Variants in OLFM4 observed in about 807,000 individuals in gnomAD.
The protein encoded by OLFM4 is olfactomedin-4.
A neutral mutation model predicts 25.5 loss-of-function variants in OLFM4; 22 were observed. The observed-to-expected ratio is 0.86, with a 90% CI of 0.62 to 1.23. The LOEUF (loss-of-function observed/expected upper bound fraction) is 1.23, where lower values mean the gene tolerates loss of function less well. Among genes scored for constraint, OLFM4 ranks in the 50% most tolerant of loss-of-function variants. The pLI is 0.00. For missense variants in OLFM4, 594 were observed against 619.4 expected (o/e 0.96, Z 0.44); for synonymous variants, 255 against 237.7 (o/e 1.07, Z -0.67).
intron 4 of OLFM4, 89 bp downstream of exon 4, chr13:53,043,353 G>A: frequency 2.5e-6 from 2 of 798,006 alleles, no homozygotes; most frequent in Non-Finnish European, 3.5e-6. Context: ...TTGCAATGGT[G>A]AAAGAAGAAG....
intron 2 of OLFM4, among the ~76,000 whole-genome samples, chr13:53,036,354 G>C (rs1351399523): frequency 6.6e-6 from 1 of 152,158 alleles, no homozygotes; most frequent in Admixed American, 6.5e-5. Flanking sequence ...CCTAGGTAAA[G>C]ATCTTTTCAG....
At chr13:53,038,396 C>G (rs1456711906) in intron 2 of OLFM4, among the ~76,000 whole-genome samples, 1 of 152,170 alleles carries the variant, frequency 6.6e-6, no homozygotes, top group Non-Finnish European at 1.5e-5. Context: ...TATACTTACA[C>G]AAACCTAGAG....
At chr13:53,049,866 G>A in intron 4 of OLFM4, 103 bp from the exon 5 acceptor site, 1 of 1,275,432 alleles carries the variant, frequency 7.8e-7, no homozygotes, top group Non-Finnish European at 1.1e-6. Flanking sequence ...AACCTTGACA[G>A]GAAAAATATT....
At chr13:53,045,466 T>C (rs1341592526) in intron 4 of OLFM4, among the ~76,000 whole-genome samples, 1 of 152,210 alleles carries the variant, frequency 6.6e-6, no homozygotes, top group Non-Finnish European at 1.5e-5. Context: ...TTTCTTTCAC[T>C]TGCTCTCTTT....
At position 53,028,921 on chromosome 13, in the gene OLFM4, A is replaced by C; in HGVS notation, c.85A>C (p.Ile29Leu). The C allele has an allele frequency of 6.2e-7, 1 of 1,614,154 alleles. No individual in the cohort carries two copies. Residue 29 changes from isoleucine to leucine, a missense_variant, in exon 1 of 5, where the codon ATT (isoleucine) becomes CTT (leucine). Transcript: ENST00000219022. ...AGDLGDVGPPIPSPGFSSFPG... is the reference protein window; with the variant it reads ...AGDLGDVGPPLPSPGFSSFPG... ...GGATTTGGGGGATGTGGGACCTCCA[A>C]TTCCCAGCCCCGGCTTCAGCTCTTT...
intron 4 of OLFM4, among the ~76,000 whole-genome samples, chr13:53,046,919 G>C (rs1485770798): frequency 1.3e-5 from 2 of 152,168 alleles, no homozygotes; most frequent in Non-Finnish European, 2.9e-5. Context: ...TTCCATACTA[G>C]GCTGCCTTCC....
chr13:53,046,698 T>C (rs1170191163), intron 4 of OLFM4, among the ~76,000 whole-genome samples: 2 of 152,212 alleles, frequency 1.3e-5, no homozygotes, highest in Non-Finnish European at 2.9e-5. Flanking sequence ...AAACCTCCAG[T>C]TGTAACATGA....
At chr13:53,035,645 G>T (rs1239467877) in intron 2 of OLFM4, among the ~76,000 whole-genome samples, 1 of 151,966 alleles carries the variant, frequency 6.6e-6, no homozygotes, top group African/African-American at 2.4e-5. Flanking sequence ...ATCTTCTATT[G>T]TCTCAGCAGG....
At chr13:53,042,973 A>G (rs1284530423) in intron 3 of OLFM4, 132 bp from the exon 4 acceptor site, 10 of 671,780 alleles carry the variant, frequency 1.5e-5, no homozygotes, top group Admixed American at 3.3e-5. Context: ...TATTCTTCCA[A>G]ATGAAACCAT....
intron 2 of OLFM4, among the ~76,000 whole-genome samples, chr13:53,037,559 C>A (rs957520165): frequency 2.6e-5 from 4 of 152,130 alleles, no homozygotes; most frequent in African/African-American, 9.7e-5. Context: ...AGGCACTTAA[C>A]GTACATTATC....
In OLFM4 at chr13:53,050,710, A is replaced by C. The variant is rs764578655; in HGVS notation, c.1472A>C (p.Tyr491Ser). ...INYNPFDQKL[Y>S]VYNDGYLLNY... The stretch of plus-strand genomic sequence containing the variant: ...TATAACCCTTTTGACCAGAAACTTT[A>C]TGTCTATAACGATGGTTACCTTCTG... Residue 491 changes from tyrosine (Y) to serine (S), a missense_variant, in exon 5 of 5, where the codon TAT (tyrosine) becomes TCT (serine). Transcript: ENST00000219022. The C allele has an allele frequency of 6.2e-7, 1 of 1,613,300 alleles. No homozygotes were observed. The highest frequency in any genetic ancestry group is 8.5e-7 in the Non-Finnish European group (1 of 1,179,702).
At position 53,034,435 on chromosome 13, in the gene OLFM4, A is replaced by G. The variant is rs552556405; in HGVS notation, c.292A>G (p.Arg98Gly). 3.5e-5 allele frequency: 57 copies of G among 1,614,114 alleles called. No individual in the cohort carries two copies. In the Admixed American group the frequency reaches 7.0e-4, roughly 20 times the overall value. ...SLPDTTFPVDRVERLEFTAHV... is the reference protein window; with the variant it reads ...SLPDTTFPVDGVERLEFTAHV... ...GCCAGACACCACCTTTCCCGTGGACAGAGTGGAACGCTTGGAATTCACAGC... is the reference window on the plus strand; with the variant it reads ...GCCAGACACCACCTTTCCCGTGGACGGAGTGGAACGCTTGGAATTCACAGC... Residue 98 changes from arginine (R) to glycine (G), a missense_variant, in exon 2 of 5, where the codon AGA (arginine) becomes GGA (glycine). Arg to Gly is a moderately radical substitution (Grantham distance 125). Coordinates refer to ENST00000219022, the MANE Select transcript of OLFM4 (RefSeq NM_006418.5).
chr13:53,036,116 G>A lies in OLFM4; in HGVS notation c.357+1616G>A, dbSNP rs143622428. 3.3e-3 allele frequency among the ~76,000 whole-genome samples: 508 copies of A among 152,312 alleles called. 5 individuals carry two copies. The highest frequency in any genetic ancestry group is 0.012 in the African/African-American group (480 of 41,570). ...TGATGAGGCTGAGACCCTACTTTCAGCCTGAATTGGTAGATAAATATTCTA... is the reference window on the plus strand; with the variant it reads ...TGATGAGGCTGAGACCCTACTTTCAACCTGAATTGGTAGATAAATATTCTA... On this transcript the variant is annotated intron_variant, in intron 2 of 4. Coordinates refer to ENST00000219022, the MANE Select transcript of OLFM4 (RefSeq NM_006418.5).
Position 53,034,497 on chromosome 13 carries a change from C to T in OLFM4, c.354C>T (p.Ser118=), listed in dbSNP as rs2298231. ...VLSQKFEKEL[S]KVREYVQLIS... ...CTCAGAAGTTTGAGAAAGAACTTTC[C>T]AAAGTAAGCATTTTCTTTTCAAACA... The change falls in exon 2 of 5, where the codon TCC becomes TCT. Residue 118 remains serine, a synonymous_variant. Coordinates refer to ENST00000219022, the MANE Select transcript of OLFM4 (RefSeq NM_006418.5). 809,884 of 1,604,272 alleles carry T rather than the reference C, an allele frequency of 0.5. 207,981 individuals carry two copies. The highest frequency in any genetic ancestry group is 0.7 in the East Asian group (31,521 of 44,752).
At chr13:53,041,570 T>A (rs2138237330) in intron 2 of OLFM4, among the ~76,000 whole-genome samples, 2 of 152,242 alleles carry the variant, frequency 1.3e-5, no homozygotes, top group South Asian at 4.1e-4. Context: ...CAAACCCCCA[T>A]GACATGAGTT....
In OLFM4 at chr13:53,051,048, A is replaced by T; in HGVS notation, c.*277A>T. On this transcript the variant is annotated 3_prime_UTR_variant, in exon 5 of 5. Coordinates refer to ENST00000219022, the MANE Select transcript of OLFM4 (RefSeq NM_006418.5). ...TGTGGGCCTAGTGAAGCCTACTGTG[A>T]GGAGGCTTCACTAGAAGCCTTAAAT... 1 of 346,072 alleles carries T rather than the reference A, an allele frequency of 2.9e-6. No homozygotes were observed. The allele number at this position is 346,072 out of a possible 1,614,324, so 21.4% of individuals were successfully genotyped here.
intron 2 of OLFM4, among the ~76,000 whole-genome samples, chr13:53,034,947 T>C (rs2062403548): frequency 6.6e-6 from 1 of 152,170 alleles, no homozygotes; most frequent in Admixed American, 6.5e-5. Flanking sequence ...TTCTATTCCA[T>C]TCCTGCATCC....
intron 4 of OLFM4, among the ~76,000 whole-genome samples, chr13:53,049,236 T>A (rs1174972610): frequency 6.6e-6 from 1 of 152,192 alleles, no homozygotes; most frequent in Non-Finnish European, 1.5e-5. Context: ...GCAAGTGATT[T>A]ATTGATGGGC....
Position 53,050,589 on chromosome 13 carries a change from G to A in OLFM4, c.1351G>A (p.Glu451Lys). 6.2e-7 allele frequency: 1 copy of A among 1,614,026 alleles called. No individual in the cohort carries two copies. Among genetic ancestry groups the A allele is most frequent in the Non-Finnish European group, 8.5e-7 (1 of 1,179,972 alleles). Residue 451 changes from glutamate to lysine, a missense_variant, in exon 5 of 5, where the codon GAA becomes AAA. Transcript: ENST00000219022. ...YATRTMNTRT[E>K]EIFYYYDTNT... ...CACCCGTACTATGAACACCAGAACA[G>A]AAGAGATTTTTTACTATTATGACAC... is the stretch of plus-strand genomic sequence containing the variant.
Sources: allele counts gnomAD v4.1 joint callset (sites outside exome capture counted in the v4.1 genomes callset), GRCh38; gene constraint gnomAD v4.1.1; transcripts MANE v1.5; gene names NCBI Gene and HGNC (gene_info 2026-07-23, HGNC 2026-07-21).